JPH1: variants seen among roughly 807,000 people sequenced by gnomAD.
JPH1 encodes junctophilin-1.
Under a neutral mutation model 53.6 loss-of-function variants are expected in JPH1, and 12 were observed. The observed-to-expected ratio is 0.22, with a 90% CI of 0.14 to 0.36. The LOEUF is 0.36. JPH1 is among the 10% of genes least tolerant of loss of function. JPH1 has a pLI of 1.00. For synonymous variants in JPH1, 375 were observed against 363.8 expected (o/e 1.03, Z -0.35); for missense variants, 808 against 905.5 (o/e 0.89, Z 1.38).
rs531119148 is a variant in JPH1, at chr8:74,299,750, GT to G, written c.1139+15110del. On this transcript the variant is annotated intron_variant, in intron 2 of 5. Coordinates refer to ENST00000342232, the MANE Select transcript of JPH1 (RefSeq NM_020647.4). ...GGGGTGCCTGTCTGAGGCTTGTTTT[GT>G]TTTTTCCCTTTGTTGGTGTATGCCT... is the stretch of plus-strand genomic sequence containing the variant. Among the ~76,000 whole-genome samples the G allele has an allele frequency of 2.2e-3, 336 of 152,204 alleles. 2 individuals are homozygous for G. Among genetic ancestry groups the G allele is most frequent in the Non-Finnish European group, 2.6e-3 (176 of 67,996 alleles).
chr8:74,281,917 G>A (rs79568679), intron 2 of JPH1, among the ~76,000 whole-genome samples: 2,919 of 152,226 alleles, frequency 0.019, 99 homozygotes, highest in African/African-American at 0.063. Context: ...ATGGGGAAAG[G>A]CTACGCAGAA....
chr8:74,295,094 T>A (rs1245055275), intron 2 of JPH1, among the ~76,000 whole-genome samples: 1 of 152,174 alleles, frequency 6.6e-6, no homozygotes, highest in African/African-American at 2.4e-5. Context: ...GAGCTCCTAA[T>A]CCTCCATGCT....
chr8:74,261,788 T>C (rs952514883), intron 2 of JPH1, among the ~76,000 whole-genome samples: 1 of 152,218 alleles, frequency 6.6e-6, no homozygotes, highest in Non-Finnish European at 1.5e-5. Flanking sequence ...CATAAGAGTA[T>C]AGCTATGCTG....
At chr8:74,303,352 T>G (rs1332715134) in intron 2 of JPH1, among the ~76,000 whole-genome samples, 1 of 152,198 alleles carries the variant, frequency 6.6e-6, no homozygotes, top group African/African-American at 2.4e-5. Context: ...TGTCCCTTCC[T>G]GTCTGGTATC....
At position 74,307,172 on chromosome 8, in the gene JPH1, C is replaced by T. The variant is rs183904609; in HGVS notation, c.1139+7689G>A. Among the ~76,000 whole-genome samples the T allele has an allele frequency of 1.1e-4, 17 of 152,300 alleles. No individual in the cohort carries two copies. In the East Asian group the frequency reaches 3.3e-3, roughly 29 times the overall value. On this transcript the variant is annotated intron_variant, in intron 2 of 5. Transcript: ENST00000342232. ...TCCTTCCTTCCCTTCCTGTTTCCTT[C>T]CTCACTTCATCTTTACCTACATCCC...
At chr8:74,293,315 T>C (rs1217411843) in intron 2 of JPH1, among the ~76,000 whole-genome samples, 2 of 152,204 alleles carry the variant, frequency 1.3e-5, no homozygotes, top group African/African-American at 4.8e-5. Flanking sequence ...AATCTCTTGA[T>C]GTGACCCCAT....
intron 3 of JPH1, among the ~76,000 whole-genome samples, chr8:74,250,873 T>C (rs1806027071): frequency 6.6e-6 from 1 of 152,142 alleles, no homozygotes. Context: ...ATTTACTAGT[T>C]TACAATGAGC....
chr8:74,242,429 G>C (rs1805723314), intron 4 of JPH1, among the ~76,000 whole-genome samples: 1 of 152,226 alleles, frequency 6.6e-6, no homozygotes, highest in Non-Finnish European at 1.5e-5. Context: ...ACTGTCCAGG[G>C]TCACACAGCT....
intron 2 of JPH1, among the ~76,000 whole-genome samples, chr8:74,287,427 A>G (rs1167108302): frequency 6.6e-6 from 1 of 152,084 alleles, no homozygotes; most frequent in Non-Finnish European, 1.5e-5. Flanking sequence ...CTCAAAAAAA[A>G]AAAAAATTAC....
In JPH1 at chr8:74,291,197, C is replaced by G. The variant is rs183667079; in HGVS notation, c.1139+23664G>C. On this transcript the variant is annotated intron_variant, in intron 2 of 5. Transcript: ENST00000342232. ...ACTACCATCAGAGTGACTAGGCAAC[C>G]TACAGAATGGGAGAAAATTTTTACA... is the stretch of plus-strand genomic sequence containing the variant. 5.4e-3 allele frequency among the ~76,000 whole-genome samples: 825 copies of G among 152,290 alleles called. 25 individuals carry two copies. The highest frequency in any genetic ancestry group is 0.051 in the Admixed American group (779 of 15,296).
intron 5 of JPH1, 55 bp downstream of exon 5, chr8:74,237,153 T>C (rs1807023403): frequency 2.5e-6 from 3 of 1,188,020 alleles, no homozygotes; most frequent in East Asian, 2.3e-5. Context: ...AATTTGCATA[T>C]GAGAAAAGAA....
At chr8:74,298,211 A>G (rs1807576308) in intron 2 of JPH1, among the ~76,000 whole-genome samples, 1 of 152,200 alleles carries the variant, frequency 6.6e-6, no homozygotes, top group Admixed American at 6.5e-5. Flanking sequence ...CACACATCAG[A>G]TTCACTATCT....
intron 2 of JPH1, among the ~76,000 whole-genome samples, chr8:74,279,411 C>T (rs539929076): frequency 2.6e-5 from 4 of 152,332 alleles, no homozygotes; most frequent in South Asian, 2.1e-4. Flanking sequence ...GGAAGCAACA[C>T]AACCTGCTTA....
At chr8:74,319,130 C>T (rs1031435764) in intron 1 of JPH1, among the ~76,000 whole-genome samples, 11 of 151,854 alleles carry the variant, frequency 7.2e-5, no homozygotes, top group South Asian at 4.2e-4. Flanking sequence ...TGGGTTTCTA[C>T]GACATGTACA....
chr8:74,255,751 C>T (rs1261299140), intron 3 of JPH1, among the ~76,000 whole-genome samples: 1 of 152,142 alleles, frequency 6.6e-6, no homozygotes. Flanking sequence ...AGACACTTCT[C>T]AAAAGAAGAT....
Position 74,235,037 on chromosome 8 carries a change from C to A in JPH1, c.*2014G>T, listed in dbSNP as rs1270114266. On this transcript the variant is annotated 3_prime_UTR_variant, in exon 6 of 6. Transcript: ENST00000342232. Reference sequence around the variant, plus strand: ...TTTATAAATGGGACCAACATGCTCACTTTATAAACATATCCTCTCGCTATC... The same window carrying A: ...TTTATAAATGGGACCAACATGCTCAATTTATAAACATATCCTCTCGCTATC... 2 of 152,558 alleles carry A rather than the reference C, an allele frequency of 1.3e-5. No homozygotes were observed. The highest frequency in any genetic ancestry group is 2.1e-4 in the South Asian group (1 of 4,828). The allele number at this position is 152,558 out of a possible 1,614,324, so 9.5% of individuals were successfully genotyped here.
chr8:74,317,293 C>T (rs1179627431), intron 1 of JPH1, among the ~76,000 whole-genome samples: 1 of 152,220 alleles, frequency 6.6e-6, no homozygotes, highest in African/African-American at 2.4e-5. Flanking sequence ...CAATGAAATA[C>T]TAAGTGGGTC....
At chr8:74,295,325 G>A (rs775237870) in intron 2 of JPH1, among the ~76,000 whole-genome samples, 3 of 151,972 alleles carry the variant, frequency 2.0e-5, no homozygotes, top group Non-Finnish European at 4.4e-5. Context: ...CTATATGTGT[G>A]TACATATAGT....
chr8:74,303,968 C>A (rs564856492), intron 2 of JPH1, among the ~76,000 whole-genome samples: 2 of 152,326 alleles, frequency 1.3e-5, no homozygotes, highest in East Asian at 3.9e-4. Context: ...TCTTTCCCAA[C>A]CACAATGTAC....
Sources: allele counts gnomAD v4.1 joint callset (sites outside exome capture counted in the v4.1 genomes callset), GRCh38; gene constraint gnomAD v4.1.1; transcripts MANE v1.5; gene names NCBI Gene and HGNC (gene_info 2026-07-23, HGNC 2026-07-21).